The following PRR14L variants were observed in gnomAD, a reference collection of about 807,000 sequenced individuals.
PRR14L encodes the protein protein PRR14L.
PRR14L carries 80 observed loss-of-function variants against 155.0 expected under a neutral mutation model. That is an observed-to-expected ratio of 0.52 (90% CI 0.43 to 0.62). The LOEUF (loss-of-function observed/expected upper bound fraction) is 0.62, where lower values mean the gene tolerates loss of function less well. Ranked by LOEUF, PRR14L falls within the 20% of genes least tolerant of loss-of-function variation. The pLI, the probability that PRR14L is intolerant of heterozygous loss-of-function variation, is 0.00. For missense variants in PRR14L, 2,469 were observed against 2,548.0 expected (o/e 0.97, Z 0.67); for synonymous variants, 883 against 916.0 (o/e 0.96, Z 0.65).
rs115775437 is a variant in PRR14L, at chr22:31,728,879, T to C, written c.475-3269A>G. Among the ~76,000 whole-genome samples the C allele has an allele frequency of 6.1e-3, 929 of 152,290 alleles. 15 individuals are homozygous for C. The highest frequency in any genetic ancestry group is 0.021 in the African/African-American group (875 of 41,564). On this transcript the variant is annotated intron_variant, in intron 2 of 8. Transcript: ENST00000327423. ...AAAGTTTAACACTCTATAGCTTATA[T>C]GTAAGCACCAAAAAAACAAACAATA...
In PRR14L at chr22:31,738,621, A is replaced by C; in HGVS notation, c.240T>G (p.Tyr80Ter). 1.3e-6 allele frequency: 2 copies of C among 1,552,078 alleles called. No homozygotes were observed. Among genetic ancestry groups the C allele is most frequent in the Non-Finnish European group, 1.7e-6 (2 of 1,147,052 alleles). Residue 80 changes from tyrosine (Y) to a stop codon, truncating the protein, a stop_gained, in exon 2 of 9, where the codon TAT becomes TAG. Transcript: ENST00000327423. LOFTEE classifies it high-confidence loss of function. ...GCTCACTCCCATGATCCAAGGTCTC[A>C]TAGGTTTCTTCACAACAACTCTCCA... ...THVESCCEET[Y>*]ETLDHGSEPG...
chr22:31,749,229 G>A (rs1204572103), intron 1 of PRR14L, among the ~76,000 whole-genome samples: 1 of 152,114 alleles, frequency 6.6e-6, no homozygotes, highest in Non-Finnish European at 1.5e-5. Flanking sequence ...GACGTTAAGT[G>A]AGAGACCCAG....
intron 2 of PRR14L, among the ~76,000 whole-genome samples, chr22:31,733,129 A>G (rs2074759183): frequency 6.6e-6 from 1 of 151,554 alleles, no homozygotes; most frequent in African/African-American, 2.4e-5. Flanking sequence ...CTGGGATTAC[A>G]GGCGACCGCC....
Position 31,713,931 on chromosome 22 carries a change from C to T in PRR14L, c.3908G>A (p.Cys1303Tyr). ...AGCTTTGCAAGCATTCTTTTCCACA[C>T]AGGTACATACGCTGTCTCTGTCACT... ...NSSDRDSVCTCVEKNACKACH... is the reference protein window; with the variant it reads ...NSSDRDSVCTYVEKNACKACH... The change falls in exon 4 of 9, where the codon TGT becomes TAT. Residue 1303 changes from cysteine (C) to tyrosine (Y), a missense_variant. Physicochemically the swap from Cys to Tyr is radical, Grantham distance 194. Around this residue, in one of 2 missense-constraint regions of PRR14L, gnomAD observed 2,363 missense variants for 2,371.6 expected, o/e 1.00. Coordinates refer to ENST00000327423, the MANE Select transcript of PRR14L (RefSeq NM_173566.3). 6.4e-7 allele frequency: 1 copy of T among 1,551,854 alleles called. No homozygotes were observed. Among genetic ancestry groups the T allele is most frequent in the Non-Finnish European group, 8.7e-7 (1 of 1,147,020 alleles).
chr22:31,729,634 T>A (rs1330506702), intron 2 of PRR14L, among the ~76,000 whole-genome samples: 1 of 152,218 alleles, frequency 6.6e-6, no homozygotes, highest in East Asian at 1.9e-4. Flanking sequence ...ATTTAACTTT[T>A]AAAAATATTA....
chr22:31,705,080 C>T (rs765267260), intron 4 of PRR14L, among the ~76,000 whole-genome samples: 1 of 151,912 alleles, frequency 6.6e-6, no homozygotes, highest in Admixed American at 6.6e-5. Context: ...GGCAACATGG[C>T]GAGACCTTGT....
chr22:31,721,850 G>C (rs2147868110), intron 3 of PRR14L, among the ~76,000 whole-genome samples: 2 of 152,172 alleles, frequency 1.3e-5, no homozygotes, highest in African/African-American at 4.8e-5. Flanking sequence ...CAAAACTCTG[G>C]AATACCATGG....
intron 2 of PRR14L, among the ~76,000 whole-genome samples, chr22:31,735,119 G>A (rs2074771399): frequency 6.6e-6 from 1 of 152,116 alleles, no homozygotes; most frequent in Non-Finnish European, 1.5e-5. Context: ...TGGTGGAGCT[G>A]GGAGGGAGAA....
At position 31,715,112 on chromosome 22, in the gene PRR14L, A is replaced by C; in HGVS notation, c.2727T>G (p.Asp909Glu). ...TACAAAATACAGTTTCTTTGGATAC[A>C]TCCTGCTCCTTTCCTTCCAGCCCTT... ...SEEGLEGKEQ[D>E]VSKETVFCKY... Residue 909 changes from aspartate to glutamate, a missense_variant, in exon 4 of 9, where the codon GAT (aspartate) becomes GAG (glutamate). Transcript: ENST00000327423. The C allele has an allele frequency of 6.4e-7, 1 of 1,551,858 alleles. No homozygotes were observed. Among genetic ancestry groups the C allele is most frequent in the South Asian group, 1.2e-5 (1 of 84,066 alleles).
chr22:31,713,707 T>C lies in PRR14L; in HGVS notation c.4132A>G (p.Lys1378Glu), dbSNP rs2074637318. 6.4e-7 allele frequency: 1 copy of C among 1,552,212 alleles called. No homozygotes were observed. Among genetic ancestry groups the C allele is most frequent in the African/African-American group, 1.4e-5 (1 of 73,042 alleles). ...GCATGATTAAGTATCCCCCGGCATTTAAAATGGGTCTGAGAGATGTTGCTC... is the reference window on the plus strand; with the variant it reads ...GCATGATTAAGTATCCCCCGGCATTCAAAATGGGTCTGAGAGATGTTGCTC... ...PVSNISQTHF[K>E]CRGILNHAEK... Residue 1378 changes from lysine to glutamate, a missense_variant, in exon 4 of 9, where the codon AAA (lysine) becomes GAA (glutamate). Lys to Glu is a moderately conservative substitution (Grantham distance 56, BLOSUM62 1). Transcript: ENST00000327423.
Position 31,712,133 on chromosome 22 carries a change from A to C in PRR14L, c.5706T>G (p.Ser1902=), listed in dbSNP as rs2074626426. ...GPSVCSFEIS[S]LHSPHCKRQP... ...GCCGCTTGCAGTGAGGGGAATGAAG[A>C]GAAGAGATTTCGAAGGAGCAGACAG... is the stretch of plus-strand genomic sequence containing the variant. The change falls in exon 4 of 9, where the codon TCT becomes TCG. Residue 1902 remains serine, a synonymous_variant. Coordinates refer to ENST00000327423, the MANE Select transcript of PRR14L (RefSeq NM_173566.3). 4 of 1,614,016 alleles carry C rather than the reference A, an allele frequency of 2.5e-6. No homozygotes were observed. In the South Asian group the frequency reaches 4.4e-5, roughly 18 times the overall value.
intron 2 of PRR14L, among the ~76,000 whole-genome samples, 194 bp from the exon 3 acceptor site, chr22:31,725,804 G>A (rs2053554853): frequency 6.6e-6 from 1 of 152,070 alleles, no homozygotes; most frequent in Non-Finnish European, 1.5e-5. Context: ...AAGTAGCTGG[G>A]ATTACATGCA....
At chr22:31,744,399 C>G (rs938183774) in intron 1 of PRR14L, among the ~76,000 whole-genome samples, 2 of 152,140 alleles carry the variant, frequency 1.3e-5, no homozygotes, top group Non-Finnish European at 2.9e-5. Context: ...TCCCAAAGTG[C>G]TGGGATTACA....
At chr22:31,719,279 G>A (rs1382360487) in intron 3 of PRR14L, among the ~76,000 whole-genome samples, 2 of 151,730 alleles carry the variant, frequency 1.3e-5, no homozygotes, top group African/African-American at 4.8e-5. Flanking sequence ...TGAGCATGGT[G>A]GTGTGTGCCT....
chr22:31,716,567 A>C lies in PRR14L; in HGVS notation c.1272T>G (p.Ile424Met), dbSNP rs1217233398. ...CTTTTTCACCAGAACAACGACCACT[A>C]ATCTCCTTTTCTGGTTCCCTGGCAT... ...LFNAREPEKE[I>M]SGRCSGEKEP... Residue 424 changes from isoleucine to methionine, a missense_variant, in exon 4 of 9, where the codon ATT becomes ATG. Ile to Met is a conservative substitution (Grantham distance 10, BLOSUM62 1). This residue lies in a region of PRR14L where 2,363 missense variants were observed against 2,371.6 expected (regional missense o/e 1.00). Transcript: ENST00000327423. 1.3e-6 allele frequency: 2 copies of C among 1,548,586 alleles called. No individual in the cohort carries two copies. Among genetic ancestry groups the C allele is most frequent in the Non-Finnish European group, 8.7e-7 (1 of 1,146,296 alleles).
At position 31,738,616 on chromosome 22, in the gene PRR14L, GTCTCATAGGTT is replaced by G; in HGVS notation, c.234_244del (p.Glu78AspfsTer7). ...CCCAGGCTCACTCCCATGATCCAAG[GTCTCATAGGTT>G]TCTTCACAACAACTCTCCACATGAG... is the stretch of plus-strand genomic sequence containing the variant. On this transcript the variant is annotated frameshift_variant, in exon 2 of 9. Coordinates refer to ENST00000327423, the MANE Select transcript of PRR14L (RefSeq NM_173566.3). LOFTEE classifies it high-confidence loss of function. The G allele has an allele frequency of 6.4e-7, 1 of 1,552,044 alleles. No individual in the cohort carries two copies. The highest frequency in any genetic ancestry group is 8.7e-7 in the Non-Finnish European group (1 of 1,147,084).
At chr22:31,689,203 G>A (rs1414980903) in intron 7 of PRR14L, among the ~76,000 whole-genome samples, 1 of 152,164 alleles carries the variant, frequency 6.6e-6, no homozygotes, top group Non-Finnish European at 1.5e-5. Context: ...GTTCTTGAGA[G>A]CCAGGCATGG....
chr22:31,725,176 C>G (rs1192252719), intron 3 of PRR14L, among the ~76,000 whole-genome samples: 1 of 152,112 alleles, frequency 6.6e-6, no homozygotes, highest in Non-Finnish European at 1.5e-5. Flanking sequence ...AGGAGGATCA[C>G]TTGAGCCCAG....
intron 3 of PRR14L, 124 bp from the exon 4 acceptor site, chr22:31,717,415 G>A: frequency 1.3e-6 from 1 of 749,392 alleles, no homozygotes; most frequent in Non-Finnish European, 2.1e-6. Flanking sequence ...AAGAAAACTG[G>A]AAAGTTAGCA....
Sources: allele counts gnomAD v4.1 joint callset (sites outside exome capture counted in the v4.1 genomes callset), GRCh38; gene constraint gnomAD v4.1.1; regional missense constraint gnomAD v4.1.1; transcripts MANE v1.5; gene names NCBI Gene and HGNC (gene_info 2026-07-23, HGNC 2026-07-21).